MCUB: variants seen among roughly 807,000 people sequenced by gnomAD.
MCUB encodes calcium uniporter regulatory subunit MCUb, mitochondrial.
A neutral mutation model predicts 41.4 loss-of-function variants in MCUB; 46 were observed. That is an observed-to-expected ratio of 1.11 (90% confidence interval 0.88 to 1.42). The LOEUF is 1.42. MCUB is among the 40% of genes most tolerant of loss of function. The pLI is 0.00. For missense variants in MCUB, 403 were observed against 404.9 expected (o/e 1.00, Z 0.04); for synonymous variants, 148 against 148.2 (o/e 1.00, Z 0.01).
At chr4:109,662,616 T>C (rs558549121) in intron 3 of MCUB, among the ~76,000 whole-genome samples, 2 of 152,286 alleles carry the variant, frequency 1.3e-5, no homozygotes, top group East Asian at 3.9e-4. Flanking sequence ...AATTTAACAC[T>C]GTATCACTAG....
At chr4:109,633,403 G>T (rs1176718981) in intron 1 of MCUB, among the ~76,000 whole-genome samples, 1 of 151,488 alleles carries the variant, frequency 6.6e-6, no homozygotes, top group Non-Finnish European at 1.5e-5. Context: ...GAGTAGCTGG[G>T]ACTACAGGCA....
chr4:109,677,333 A>G (rs897036741), intron 4 of MCUB, among the ~76,000 whole-genome samples: 3 of 152,176 alleles, frequency 2.0e-5, no homozygotes, highest in Non-Finnish European at 4.4e-5. Flanking sequence ...TTGCTTCAGG[A>G]TGAATCATGC....
At chr4:109,607,105 T>A (rs1477911298) in intron 1 of MCUB, among the ~76,000 whole-genome samples, 8 of 152,192 alleles carry the variant, frequency 5.3e-5, no homozygotes, top group Non-Finnish European at 1.2e-4. Flanking sequence ...ATAAGAATAG[T>A]CTACACCACA....
chr4:109,595,652 G>A (rs1727538029), intron 1 of MCUB, among the ~76,000 whole-genome samples: 1 of 152,274 alleles, frequency 6.6e-6, no homozygotes, highest in Non-Finnish European at 1.5e-5. Context: ...CTACTATATT[G>A]GACAGCATAG....
chr4:109,622,427 C>T (rs933242596), intron 1 of MCUB, among the ~76,000 whole-genome samples: 1 of 151,806 alleles, frequency 6.6e-6, no homozygotes, highest in Non-Finnish European at 1.5e-5. Context: ...TGTAAAATAA[C>T]CAAATTATTT....
intron 1 of MCUB, among the ~76,000 whole-genome samples, chr4:109,612,699 G>A (rs1307110534): frequency 1.3e-5 from 2 of 152,142 alleles, no homozygotes; most frequent in Non-Finnish European, 2.9e-5. Context: ...ATATAAATGG[G>A]GGAGAGGGGG....
At chr4:109,650,203 A>C (rs899089936) in intron 1 of MCUB, among the ~76,000 whole-genome samples, 2 of 152,184 alleles carry the variant, frequency 1.3e-5, no homozygotes, top group African/African-American at 4.8e-5. Context: ...AATTTTAATA[A>C]TAACCCTCTA....
intron 1 of MCUB, among the ~76,000 whole-genome samples, chr4:109,653,597 A>G (rs1232334492): frequency 6.6e-6 from 1 of 151,562 alleles, no homozygotes; most frequent in Non-Finnish European, 1.5e-5. Context: ...TTTTTTTGAG[A>G]TGGAGTTTCA....
chr4:109,674,150 G>A lies in MCUB; in HGVS notation c.452-8432G>A, dbSNP rs144982031. Reference sequence around the variant, plus strand: ...AAGAAGAGATGCTGCCTTGTTGGAGGAGCTTGCTTTAGTTAGACGTCTCAT... The same window carrying A: ...AAGAAGAGATGCTGCCTTGTTGGAGAAGCTTGCTTTAGTTAGACGTCTCAT... On this transcript the variant is annotated intron_variant, in intron 4 of 7. Coordinates refer to ENST00000394650, the MANE Select transcript of MCUB (RefSeq NM_017918.5). 9.4e-3 allele frequency: 10,992 copies of A among 1,165,850 alleles called. 328 individuals are homozygous for A. Among genetic ancestry groups the A allele is most frequent in the East Asian group, 0.056 (2,391 of 42,764 alleles). 72.2% of individuals were successfully genotyped at this position (1,165,850 alleles called of 1,614,324 possible).
intron 2 of MCUB, among the ~76,000 whole-genome samples, 197 bp downstream of exon 2, chr4:109,659,283 TCA>T (rs1351585375): frequency 2.7e-5 from 4 of 146,088 alleles, no homozygotes. Flanking sequence ...CACCTCAGAA[TCA>T]GAGGAGTCAG....
At chr4:109,670,500 C>G (rs1324904583) in intron 4 of MCUB, among the ~76,000 whole-genome samples, 1 of 152,070 alleles carries the variant, frequency 6.6e-6, no homozygotes, top group Non-Finnish European at 1.5e-5. Flanking sequence ...GTGGGGATCA[C>G]TGGGTCAGGA....
chr4:109,655,388 C>G, intron 1 of MCUB, among the ~76,000 whole-genome samples: 1 of 152,138 alleles, frequency 6.6e-6, no homozygotes, highest in East Asian at 1.9e-4. Flanking sequence ...TTTATTAACT[C>G]AGTCTCCAGC....
chr4:109,649,817 T>C (rs1728920239), intron 1 of MCUB, among the ~76,000 whole-genome samples: 1 of 152,062 alleles, frequency 6.6e-6, no homozygotes, highest in Non-Finnish European at 1.5e-5. Context: ...CAAATAATCT[T>C]CCTGCCTCAG....
At chr4:109,652,972 G>A (rs1442041945) in intron 1 of MCUB, among the ~76,000 whole-genome samples, 1 of 152,140 alleles carries the variant, frequency 6.6e-6, no homozygotes, top group East Asian at 1.9e-4. Flanking sequence ...CTAGTGGGAG[G>A]AAATGAAATG....
intron 1 of MCUB, among the ~76,000 whole-genome samples, chr4:109,616,513 C>G (rs1057182845): frequency 1.3e-5 from 2 of 152,144 alleles, no homozygotes; most frequent in African/African-American, 4.8e-5. Context: ...TGTCATCCTC[C>G]CCTTTCATGC....
chr4:109,608,985 G>GT (rs1727941895), intron 1 of MCUB, among the ~76,000 whole-genome samples: 1 of 152,176 alleles, frequency 6.6e-6, no homozygotes, highest in African/African-American at 2.4e-5. Flanking sequence ...CCTTGCTGGT[G>GT]TTGGATAAAC....
Position 109,643,706 on chromosome 4 carries a change from G to A in MCUB, c.100-15305G>A, listed in dbSNP as rs931316438. 1.5e-4 allele frequency among the ~76,000 whole-genome samples: 22 copies of A among 151,722 alleles called. 1 individual carries two copies. The highest frequency in any genetic ancestry group is 5.1e-4 in the African/African-American group (21 of 41,244). Reference sequence around the variant, plus strand: ...TTTAGTAGAGATGGGATTTCACCACGTTGGCCAGGGTGGTGTAGAACTCCT... The same window carrying A: ...TTTAGTAGAGATGGGATTTCACCACATTGGCCAGGGTGGTGTAGAACTCCT... On this transcript the variant is annotated intron_variant, in intron 1 of 7. Transcript: ENST00000394650.
intron 4 of MCUB, among the ~76,000 whole-genome samples, chr4:109,673,686 A>G (rs2126148621): frequency 6.6e-6 from 1 of 152,368 alleles, no homozygotes; most frequent in African/African-American, 2.4e-5. Context: ...TTCCTAATAC[A>G]TTGCAAATGT....
rs1728980585 is a variant in MCUB at position 109,652,383 on chromosome 4, ATACC to A, written c.100-6626_100-6623del. Among the ~76,000 whole-genome samples, 6 of 152,330 alleles carry A rather than the reference ATACC, an allele frequency of 3.9e-5. No homozygotes were observed. In the South Asian group the frequency reaches 1.2e-3, roughly 32 times the overall value. On this transcript the variant is annotated intron_variant, in intron 1 of 7. Coordinates refer to ENST00000394650, the MANE Select transcript of MCUB (RefSeq NM_017918.5). ...GTGGAAATAAGCCATAATCTTGATTATACCTGAAAAACTCATTTCTTTCAGCCTT... is the reference window on the plus strand; with the variant it reads ...GTGGAAATAAGCCATAATCTTGATTATGAAAAACTCATTTCTTTCAGCCTT...
Sources: allele counts gnomAD v4.1 joint callset (sites outside exome capture counted in the v4.1 genomes callset), GRCh38; gene constraint gnomAD v4.1.1; transcripts MANE v1.5; gene names NCBI Gene and HGNC (gene_info 2026-07-23, HGNC 2026-07-21).